The following KMT2C variants were observed in gnomAD, a reference collection of about 807,000 sequenced individuals.
The protein encoded by KMT2C is histone-lysine N-methyltransferase 2C.
A neutral mutation model predicts 507.9 loss-of-function variants in KMT2C; 88 were observed. The observed-to-expected ratio is 0.17, with a 90% confidence interval of 0.15 to 0.21. The LOEUF is 0.21. Among genes scored for constraint, KMT2C ranks in the 10% least tolerant of loss-of-function variants. The pLI is 1.00. For synonymous variants in KMT2C, 2,049 were observed against 2,080.8 expected (o/e 0.98, Z 0.42); for missense variants, 4,954 against 5,957.8 (o/e 0.83, Z 5.55).
rs185335115 is a variant in KMT2C, at chr7:152,189,977, C to T, written c.4661-2130G>A. On this transcript the variant is annotated intron_variant, in intron 31 of 58. Coordinates refer to ENST00000262189, the MANE Select transcript of KMT2C (RefSeq NM_170606.3). ...AACAGCGGGCAAGTGACCATTACCGCCTGAGCTCCACCTGTCAGATCAGTG... is the reference window on the plus strand; with the variant it reads ...AACAGCGGGCAAGTGACCATTACCGTCTGAGCTCCACCTGTCAGATCAGTG... 5.3e-5 allele frequency among the ~76,000 whole-genome samples: 8 copies of T among 152,328 alleles called. No homozygotes were observed. In the East Asian group the frequency reaches 1.5e-3, roughly 29 times the overall value.
intron 51 of KMT2C, among the ~76,000 whole-genome samples, chr7:152,149,484 A>G (rs1337535104): frequency 8.5e-5 from 13 of 152,248 alleles, no homozygotes; most frequent in Admixed American, 8.5e-4. Context: ...GAAAAAACAC[A>G]CACACACTCA....
chr7:152,181,142 T>C lies in KMT2C; in HGVS notation c.6718A>G (p.Arg2240Gly), dbSNP rs2093422294. The change falls in exon 36 of 59, where the codon AGA becomes GGA. Residue 2240 changes from arginine (R) to glycine (G), a missense_variant. Physicochemically the swap from Arg to Gly is moderately radical, Grantham distance 125 (BLOSUM62 -2). Coordinates refer to ENST00000262189, the MANE Select transcript of KMT2C (RefSeq NM_170606.3). Reference protein sequence around the residue: ...SEGFTRSSMTRPVLMPNQDPF... With the variant: ...SEGFTRSSMTGPVLMPNQDPF... Reference sequence around the variant, plus strand: ...TCCTGATTTGGCATGAGGACTGGTCTTGTCATTGAGGACCTAGTAAAACCC... The same window carrying C: ...TCCTGATTTGGCATGAGGACTGGTCCTGTCATTGAGGACCTAGTAAAACCC... The C allele has an allele frequency of 6.2e-7, 1 of 1,614,062 alleles. No homozygotes were observed. Among genetic ancestry groups the C allele is most frequent in the African/African-American group, 1.3e-5 (1 of 74,928 alleles).
intron 1 of KMT2C, among the ~76,000 whole-genome samples, chr7:152,420,383 T>A (rs146220030): frequency 2.0e-5 from 3 of 152,234 alleles, no homozygotes; most frequent in Non-Finnish European, 4.4e-5. Flanking sequence ...TATATTCTGA[T>A]ATACACATTA....
intron 9 of KMT2C, among the ~76,000 whole-genome samples, chr7:152,258,525 G>A (rs1172180945): frequency 2.0e-5 from 3 of 151,868 alleles, no homozygotes; most frequent in Admixed American, 1.3e-4. Flanking sequence ...TGTTGCTGTT[G>A]TTGTTGTTGT....
chr7:152,151,143 C>A, intron 50 of KMT2C, 136 bp from the exon 51 acceptor site: 2 of 641,726 alleles, frequency 3.1e-6, no homozygotes, highest in Non-Finnish European at 5.2e-6. Flanking sequence ...AAACTATGTT[C>A]CAATATTTAG....
Position 152,152,989 on chromosome 7 carries a change from A to T in KMT2C, c.12277-35T>A, listed in dbSNP as rs367653276. The T allele has an allele frequency of 1.9e-6, 3 of 1,607,164 alleles. No homozygotes were observed. In the South Asian group the frequency reaches 3.3e-5, roughly 18 times the overall value. ...AATGCAAATGCTGTATTATTCACCC[A>T]GAAGGCAACAGTGAACCACTGAAGA... On this transcript the variant is annotated intron_variant, in intron 48 of 58. Transcript: ENST00000262189.
At chr7:152,178,501 A>G (rs2093310689) in intron 37 of KMT2C, among the ~76,000 whole-genome samples, 1 of 152,196 alleles carries the variant, frequency 6.6e-6, no homozygotes, top group Non-Finnish European at 1.5e-5. Flanking sequence ...GATAGAATAA[A>G]CTTAGAGAAA....
chr7:152,367,898 G>C, intron 1 of KMT2C: 4 of 1,043,860 alleles, frequency 3.8e-6, no homozygotes, highest in South Asian at 3.8e-5. Flanking sequence ...TGAAGCGTTC[G>C]CATGAAAAAG....
intron 1 of KMT2C, among the ~76,000 whole-genome samples, chr7:152,388,724 A>AT (rs886709450): frequency 2.8e-4 from 43 of 152,294 alleles, no homozygotes; most frequent in African/African-American, 1.0e-3. Context: ...TTAGGCTCAA[A>AT]TTTTATGTTT....
At chr7:152,149,275 A>T in intron 51 of KMT2C, 123 bp from the exon 52 acceptor site, 1 of 839,924 alleles carries the variant, frequency 1.2e-6, no homozygotes, top group Non-Finnish European at 1.7e-6. Context: ...GGGCAGAGGG[A>T]GAGTCAGCAG....
intron 1 of KMT2C, among the ~76,000 whole-genome samples, chr7:152,363,698 C>G (rs2097214390): frequency 6.6e-6 from 1 of 152,118 alleles, no homozygotes; most frequent in South Asian, 2.1e-4. Flanking sequence ...ATCATAGGTT[C>G]AGGTGGCTCA....
chr7:152,147,967 A>G, intron 52 of KMT2C, 66 bp downstream of exon 52: 1 of 1,465,554 alleles, frequency 6.8e-7, no homozygotes, highest in Non-Finnish European at 9.1e-7. Context: ...AAAATTGACA[A>G]AATACATTCA....
At chr7:152,213,228 A>G (rs2094496012) in intron 23 of KMT2C, among the ~76,000 whole-genome samples, 1 of 152,214 alleles carries the variant, frequency 6.6e-6, no homozygotes, top group African/African-American at 2.4e-5. Context: ...TAAAATTTGT[A>G]TTAAATCATA....
chr7:152,332,954 C>A (rs1010339739), intron 2 of KMT2C, among the ~76,000 whole-genome samples: 1 of 152,030 alleles, frequency 6.6e-6, no homozygotes, highest in South Asian at 2.1e-4. Context: ...CCAGTTAGCA[C>A]CCACAAGCTT....
chr7:152,211,430 A>G (rs1193436768), intron 23 of KMT2C, among the ~76,000 whole-genome samples: 1 of 152,242 alleles, frequency 6.6e-6, no homozygotes, highest in Non-Finnish European at 1.5e-5. Context: ...CATGTAACAC[A>G]GGAGAGAACA....
chr7:152,199,224 AG>A, intron 27 of KMT2C, 54 bp downstream of exon 27: 1 of 1,365,626 alleles, frequency 7.3e-7, no homozygotes. Context: ...TTTAACTGAA[AG>A]GAAGATGTAT....
chr7:152,379,328 T>C (rs1461305291), intron 1 of KMT2C, among the ~76,000 whole-genome samples: 1 of 151,882 alleles, frequency 6.6e-6, no homozygotes, highest in East Asian at 1.9e-4. Context: ...AACACAGGTC[T>C]GGAGTTCAAG....
At chr7:152,140,046 C>T (rs2090355174) in intron 55 of KMT2C, among the ~76,000 whole-genome samples, 2 of 152,176 alleles carry the variant, frequency 1.3e-5, no homozygotes, top group Non-Finnish European at 2.9e-5. Context: ...TAAAGTAGTA[C>T]TGTGGCTTGG....
At chr7:152,260,254 T>C (rs2095746506) in intron 9 of KMT2C, among the ~76,000 whole-genome samples, 1 of 152,206 alleles carries the variant, frequency 6.6e-6, no homozygotes, top group African/African-American at 2.4e-5. Context: ...CCAGAAATTA[T>C]GTAATTCTGT....
Sources: allele counts gnomAD v4.1 joint callset (sites outside exome capture counted in the v4.1 genomes callset), GRCh38; gene constraint gnomAD v4.1.1; transcripts MANE v1.5; gene names NCBI Gene and HGNC (gene_info 2026-07-23, HGNC 2026-07-21).